Variants in GALNT9 observed in about 807,000 individuals in gnomAD.
GALNT9 encodes polypeptide N-acetylgalactosaminyltransferase 9.
Under a neutral mutation model 63.1 loss-of-function variants are expected in GALNT9, and 47 were observed. That is an observed-to-expected ratio of 0.75 (90% CI 0.59 to 0.95). The LOEUF (loss-of-function observed/expected upper bound fraction) is 0.95, where lower values mean the gene tolerates loss of function less well. GALNT9 is among the 40% of genes least tolerant of loss of function. GALNT9 has a pLI of 0.00. For synonymous variants in GALNT9, 396 were observed against 365.7 expected (o/e 1.08, Z -0.94); for missense variants, 829 against 874.8 (o/e 0.95, Z 0.66).
chr12:132,203,095 C>CCAGA (rs1276267325), intron 7 of GALNT9, among the ~76,000 whole-genome samples: 1 of 152,114 alleles, frequency 6.6e-6, no homozygotes, highest in Non-Finnish European at 1.5e-5. Flanking sequence ...CATGAAACCG[C>CCAGA]CAGACAGTTG....
At chr12:132,269,218 C>T (rs532332736) in intron 2 of GALNT9, among the ~76,000 whole-genome samples, 1 of 151,840 alleles carries the variant, frequency 6.6e-6, no homozygotes, top group Non-Finnish European at 1.5e-5. Flanking sequence ...GGCAGCGTCA[C>T]CTGCCCGACT....
At chr12:132,250,835 G>A (rs1458022785) in intron 5 of GALNT9, among the ~76,000 whole-genome samples, 1 of 152,168 alleles carries the variant, frequency 6.6e-6, no homozygotes, top group Admixed American at 6.5e-5. Context: ...AGGTAAGACG[G>A]CGAGGAGGCG....
chr12:132,199,347 G>T, intron 8 of GALNT9, 78 bp from the exon 9 acceptor site: 1 of 1,058,500 alleles, frequency 9.4e-7, no homozygotes, highest in Non-Finnish European at 1.4e-6. Flanking sequence ...AGCCAGCTCT[G>T]CAGCCAGCAC....
At chr12:132,206,871 C>G (rs867435763) in intron 6 of GALNT9, among the ~76,000 whole-genome samples, 2 of 152,102 alleles carry the variant, frequency 1.3e-5, no homozygotes, top group Non-Finnish European at 2.9e-5. Flanking sequence ...AACCAGCGAG[C>G]CTGGGCAACA....
At chr12:132,240,990 C>G (rs2136900418) in intron 6 of GALNT9, among the ~76,000 whole-genome samples, 1 of 144,216 alleles carries the variant, frequency 6.9e-6, no homozygotes, top group South Asian at 2.2e-4. Flanking sequence ...ACGCCACACC[C>G]CCTTCCCGGG....
intron 5 of GALNT9, among the ~76,000 whole-genome samples, chr12:132,250,505 C>T (rs868950365): frequency 3.9e-5 from 6 of 152,332 alleles, no homozygotes; most frequent in African/African-American, 9.6e-5. Context: ...GAAAAGCCAA[C>T]GTGGCCGGGC....
intron 7 of GALNT9, among the ~76,000 whole-genome samples, chr12:132,202,427 G>A (rs1045516500): frequency 2.0e-5 from 3 of 152,230 alleles, no homozygotes; most frequent in African/African-American, 4.8e-5. Context: ...TGCTGGATTT[G>A]CAGTGAATGG....
chr12:132,317,223 CT>C (rs1415348789), intron 1 of GALNT9, among the ~76,000 whole-genome samples: 2 of 134,630 alleles, frequency 1.5e-5, no homozygotes, highest in Non-Finnish European at 3.3e-5. Context: ...CATCCCCATC[CT>C]AGACTCCACA....
At chr12:132,253,160 C>G (rs182760033) in intron 5 of GALNT9, among the ~76,000 whole-genome samples, 2 of 152,204 alleles carry the variant, frequency 1.3e-5, no homozygotes, top group Non-Finnish European at 2.9e-5. Context: ...CTATCTACTA[C>G]GAACTCCAAA....
rs1463004525 is a variant in GALNT9 at position 132,231,052 on chromosome 12, C to T, written c.1077+16858G>A. ...CTCGATGGGGCGACAGAGGAGACAG[C>T]GTGGAGTCCCTAGTGCCACACACTC... On this transcript the variant is annotated intron_variant, in intron 6 of 10. Coordinates refer to ENST00000328957, the MANE Select transcript of GALNT9 (RefSeq NM_001122636.2). Among the ~76,000 whole-genome samples, 944 of 128,324 alleles carry T rather than the reference C, an allele frequency of 7.4e-3. 2 individuals are homozygous for T. Among genetic ancestry groups the T allele is most frequent in the African/African-American group, 0.028 (873 of 31,218 alleles). The allele number at this position is 128,324 out of a possible 152,430, so 84.2% of individuals were successfully genotyped here.
At chr12:132,211,320 T>C (rs565912086) in intron 6 of GALNT9, among the ~76,000 whole-genome samples, 3 of 152,336 alleles carry the variant, frequency 2.0e-5, no homozygotes, top group East Asian at 3.9e-4. Flanking sequence ...TTATTTCTCA[T>C]TGGCAAAAAT....
In GALNT9 at chr12:132,319,771, C is replaced by A. The variant is rs1045159000; in HGVS notation, c.238+9195G>T. On this transcript the variant is annotated intron_variant, in intron 1 of 10. Coordinates refer to ENST00000328957, the MANE Select transcript of GALNT9 (RefSeq NM_001122636.2). This position sits in a 1 kb window ranked among gnomAD's most constrained non-coding sequence, Gnocchi z 5.2. ...TCGCCTCGGGTGCTCCTCCCGCAGC[C>A]CCACGTAGACAGAAGACATTCCTCG... Among the ~76,000 whole-genome samples, 5 of 152,200 alleles carry A rather than the reference C, an allele frequency of 3.3e-5. No individual in the cohort carries two copies. The highest frequency in any genetic ancestry group is 1.2e-4 in the African/African-American group (5 of 41,448).
At chr12:132,259,667 C>G (rs1879290276) in intron 4 of GALNT9, among the ~76,000 whole-genome samples, 1 of 152,102 alleles carries the variant, frequency 6.6e-6, no homozygotes, top group Admixed American at 6.5e-5. Context: ...CCCCAAAACG[C>G]CAGGTTCCCC....
rs1880419920 is a variant in GALNT9, at chr12:132,282,950, G to C, written c.419+3300C>G. 6.6e-6 allele frequency: 1 copy of C among 152,172 alleles called. No homozygotes were observed. The highest frequency in any genetic ancestry group is 1.5e-5 in the Non-Finnish European group (1 of 68,072). The allele number at this position is 152,172 out of a possible 1,614,324, so 9.4% of individuals were successfully genotyped here. The stretch of plus-strand genomic sequence containing the variant: ...CACCCCTTGATATGGGGCGAGGATG[G>C]GACCCGAGAGACCCTCGCCCCACCC... On this transcript the variant is annotated intron_variant, in intron 2 of 10. Coordinates refer to ENST00000328957, the MANE Select transcript of GALNT9 (RefSeq NM_001122636.2). This position sits in a 1 kb window ranked among gnomAD's most constrained non-coding sequence, Gnocchi z 4.5.
rs376958309 is a variant in GALNT9 at position 132,205,017 on chromosome 12, C to G, written c.1078-1327G>C. Among the ~76,000 whole-genome samples the G allele has an allele frequency of 7.9e-5, 12 of 152,254 alleles. No individual in the cohort carries two copies. The East Asian group carries it at 2.3e-3, about 29-fold the overall frequency. ...CCGCGGTGCTGAGAAGGTGCCGAGGCCGAGGGTGGTGCCAACTGCAGGGGC... is the reference window on the plus strand; with the variant it reads ...CCGCGGTGCTGAGAAGGTGCCGAGGGCGAGGGTGGTGCCAACTGCAGGGGC... On this transcript the variant is annotated intron_variant, in intron 6 of 10. Coordinates refer to ENST00000328957, the MANE Select transcript of GALNT9 (RefSeq NM_001122636.2).
At chr12:132,223,084 C>CA (rs2135521481) in intron 6 of GALNT9, among the ~76,000 whole-genome samples, 1 of 126,178 alleles carries the variant, frequency 7.9e-6, no homozygotes. Flanking sequence ...ACACCCCACA[C>CA]ACACACCCCA....
At chr12:132,297,034 C>T (rs1881098563) in intron 1 of GALNT9, among the ~76,000 whole-genome samples, 1 of 151,968 alleles carries the variant, frequency 6.6e-6, no homozygotes, top group Non-Finnish European at 1.5e-5. Flanking sequence ...CCTGAGATAC[C>T]CAAACTCACT....
At chr12:132,289,851 G>A (rs906134392) in intron 1 of GALNT9, among the ~76,000 whole-genome samples, 1 of 152,192 alleles carries the variant, frequency 6.6e-6, no homozygotes, top group African/African-American at 2.4e-5. Flanking sequence ...GGTCCTCCTT[G>A]GTCACAGGCG....
intron 6 of GALNT9, among the ~76,000 whole-genome samples, chr12:132,222,732 A>C (rs1461922619): frequency 6.6e-6 from 1 of 151,802 alleles, no homozygotes; most frequent in Non-Finnish European, 1.5e-5. Context: ...TCGGCTCCTG[A>C]GTGCTGCAAG....
Sources: gnomAD v4.1 joint callset for allele counts (sites outside exome capture counted in the v4.1 genomes callset) on GRCh38, gnomAD v4.1.1 for gene constraint, Gnocchi (gnomAD v3.1) non-coding constraint, MANE v1.5 for transcripts, NCBI Gene and HGNC (gene_info 2026-07-23, HGNC 2026-07-21) for gene names.